Variants in GRID2 observed in about 807,000 individuals in gnomAD.
The protein encoded by GRID2 is glutamate ionotropic receptor delta type subunit 2, also known as glutamate receptor ionotropic, delta-2.
A neutral mutation model predicts 114.8 loss-of-function variants in GRID2; 33 were observed. The observed-to-expected ratio is 0.29, with a 90% CI of 0.22 to 0.38. The LOEUF (loss-of-function observed/expected upper bound fraction) is 0.38. Ranked by LOEUF, GRID2 falls within the 10% of genes least tolerant of loss-of-function variation. The probability of loss-of-function intolerance (pLI) is 1.00; values close to 1 mark genes in which losing one functional copy is unlikely to be tolerated. For synonymous variants in GRID2, 505 were observed against 449.9 expected (o/e 1.12, Z -1.55); for missense variants, 1,184 against 1,257.7 (o/e 0.94, Z 0.89).
At chr4:93,006,017 A>AGG (rs1337071778) in intron 2 of GRID2, among the ~76,000 whole-genome samples, 4 of 152,036 alleles carry the variant, frequency 2.6e-5, no homozygotes, top group African/African-American at 9.7e-5. Flanking sequence ...GATTTCTCCT[A>AGG]AATCAAATCC....
intron 4 of GRID2, among the ~76,000 whole-genome samples, chr4:93,197,250 A>G (rs1047631748): frequency 1.3e-5 from 2 of 152,206 alleles, no homozygotes; most frequent in African/African-American, 4.8e-5. Context: ...GCAACTTAGA[A>G]GCAGAGGGCT....
At chr4:93,254,624 G>T (rs1749365300) in intron 8 of GRID2, among the ~76,000 whole-genome samples, 1 of 152,070 alleles carries the variant, frequency 6.6e-6, no homozygotes, top group South Asian at 2.1e-4. Context: ...AAAATGAGAT[G>T]AGAAATCTAT....
Position 92,981,572 on chromosome 4 carries a change from T to C in GRID2, c.245-103423T>C, listed in dbSNP as rs138503628. On this transcript the variant is annotated intron_variant, in intron 2 of 15. Coordinates refer to ENST00000282020, the MANE Select transcript of GRID2 (RefSeq NM_001510.4). ...AAGGCCTCCATCTCTTTATATTGTA[T>C]CTTTATGGATTAAAAGTTAATGCAG... Among the ~76,000 whole-genome samples the C allele has an allele frequency of 7.1e-3, 1,078 of 152,150 alleles. 19 individuals carry two copies. The highest frequency in any genetic ancestry group is 0.025 in the African/African-American group (1,027 of 41,542).
intron 4 of GRID2, among the ~76,000 whole-genome samples, chr4:93,111,202 T>C (rs1732731991): frequency 6.6e-6 from 1 of 152,182 alleles, no homozygotes. Context: ...TAAGAAGTCT[T>C]ATAGAAGTTT....
intron 1 of GRID2, among the ~76,000 whole-genome samples, chr4:92,348,001 G>GCAGGAGTA (rs1240399454): frequency 4.6e-5 from 7 of 152,144 alleles, no homozygotes; most frequent in Non-Finnish European, 7.3e-5. Context: ...TATTGCCAAG[G>GCAGGAGTA]CAGGAGTACA....
intron 1 of GRID2, among the ~76,000 whole-genome samples, chr4:92,528,537 AT>A (rs1005202646): frequency 7.2e-5 from 11 of 152,056 alleles, no homozygotes; most frequent in African/African-American, 2.6e-4. Context: ...GATGGGATTT[AT>A]TTTTTGTTCA....
At chr4:93,369,216 A>G (rs959609113) in intron 8 of GRID2, among the ~76,000 whole-genome samples, 1 of 152,136 alleles carries the variant, frequency 6.6e-6, no homozygotes, top group Non-Finnish European at 1.5e-5. Context: ...TTGTGGCAAC[A>G]TCACTCCAAT....
chr4:93,115,812 A>T (rs1454728423), intron 4 of GRID2, among the ~76,000 whole-genome samples: 2 of 152,140 alleles, frequency 1.3e-5, no homozygotes, highest in African/African-American at 2.4e-5. Context: ...CCAAGAGAAC[A>T]GTATGAGGGA....
In GRID2 at chr4:93,632,222, G is replaced by T. The variant is rs549232784; in HGVS notation, c.2360+5787G>T. Among the ~76,000 whole-genome samples, 238 of 152,110 alleles carry T rather than the reference G, an allele frequency of 1.6e-3. 1 individual carries two copies. Among genetic ancestry groups the T allele is most frequent in the Non-Finnish European group, 1.7e-3 (115 of 67,960 alleles). ...CTGTGCAGAAGCTCTTTAGTTTAATGAGATCCCATTTGTCAGTTTTGGCTT... is the reference window on the plus strand; with the variant it reads ...CTGTGCAGAAGCTCTTTAGTTTAATTAGATCCCATTTGTCAGTTTTGGCTT... On this transcript the variant is annotated intron_variant, in intron 14 of 15. Transcript: ENST00000282020.
chr4:92,713,169 C>T (rs938087165), intron 2 of GRID2, among the ~76,000 whole-genome samples: 1 of 151,320 alleles, frequency 6.6e-6, no homozygotes, highest in Non-Finnish European at 1.5e-5. Context: ...ACAACAGGCC[C>T]CGGTATGTGA....
At chr4:92,324,121 A>T (rs1726468460) in intron 1 of GRID2, among the ~76,000 whole-genome samples, 1 of 151,992 alleles carries the variant, frequency 6.6e-6, no homozygotes, top group African/African-American at 2.4e-5. Context: ...GAGGTAACTA[A>T]CCCAGTGTTT....
chr4:93,224,721 A>G lies in GRID2; in HGVS notation c.1071A>G (p.Arg357=). ...WHSMASLSCI[R]KNSKPWQGGR... ...GCATGGCAAGTCTGTCATGTATCAG[A>G]AAGAACTCAAAGCCCTGGCAGGGTG... Residue 357 remains arginine (R), a synonymous_variant, in exon 7 of 16, where the codon AGA becomes AGG. Coordinates refer to ENST00000282020, the MANE Select transcript of GRID2 (RefSeq NM_001510.4). The G allele has an allele frequency of 6.2e-7, 1 of 1,613,268 alleles. No homozygotes were observed. Among genetic ancestry groups the G allele is most frequent in the Non-Finnish European group, 8.5e-7 (1 of 1,179,442 alleles).
intron 8 of GRID2, among the ~76,000 whole-genome samples, chr4:93,247,754 A>G (rs1226098239): frequency 6.6e-6 from 1 of 151,452 alleles, no homozygotes; most frequent in Non-Finnish European, 1.5e-5. Flanking sequence ...ATATTTAAAT[A>G]TATATTTATA....
At chr4:92,690,319 G>A (rs1030286775) in intron 2 of GRID2, among the ~76,000 whole-genome samples, 16 of 152,184 alleles carry the variant, frequency 1.1e-4, no homozygotes, top group Admixed American at 1.0e-3. Context: ...GAAGTCTGAG[G>A]AGAGGGAGAG....
At chr4:93,444,359 G>A (rs1721897670) in intron 10 of GRID2, among the ~76,000 whole-genome samples, 1 of 151,864 alleles carries the variant, frequency 6.6e-6, no homozygotes, top group Admixed American at 6.6e-5. Context: ...GCTAGGAGAA[G>A]GAATAGCACG....
chr4:93,202,657 A>G (rs1742230878), intron 4 of GRID2, among the ~76,000 whole-genome samples: 1 of 152,142 alleles, frequency 6.6e-6, no homozygotes, highest in Non-Finnish European at 1.5e-5. Context: ...ACCAAGTGGA[A>G]AGAGATCAAC....
chr4:93,539,805 T>TTTTG (rs904721148), intron 13 of GRID2, among the ~76,000 whole-genome samples: 8 of 152,100 alleles, frequency 5.3e-5, no homozygotes, highest in East Asian at 1.9e-4. Flanking sequence ...GATGGGTTTT[T>TTTTG]TTTGTTTGTT....
chr4:92,423,755 A>G (rs11935061), intron 1 of GRID2, among the ~76,000 whole-genome samples: 9,756 of 152,158 alleles, frequency 0.064, 424 homozygotes, highest in African/African-American at 0.12. Flanking sequence ...GGTGCAAGAG[A>G]GAACCAGGGT....
In GRID2 at chr4:93,708,266, A is replaced by G. The variant is rs549120289; in HGVS notation, c.2361-60944A>G. ...GTTTCTTTGTTGATTTTCTATCTGA[A>G]TAATCTTTCCAGTGCTGTAAGTGGG... On this transcript the variant is annotated intron_variant, in intron 14 of 15. Transcript: ENST00000282020. Among the ~76,000 whole-genome samples, 16 of 152,078 alleles carry G rather than the reference A, an allele frequency of 1.1e-4. No individual in the cohort carries two copies. The South Asian group carries it at 3.3e-3, about 32-fold the overall frequency.
Sources: allele counts gnomAD v4.1 joint callset (sites outside exome capture counted in the v4.1 genomes callset), GRCh38; gene constraint gnomAD v4.1.1; transcripts MANE v1.5; gene names NCBI Gene and HGNC (gene_info 2026-07-23, HGNC 2026-07-21).